ARPP21: variants seen among roughly 807,000 people sequenced by gnomAD.
ARPP21 encodes cAMP regulated phosphoprotein 21, also known as cAMP-regulated phosphoprotein 21.
A neutral mutation model predicts 113.2 loss-of-function variants in ARPP21; 69 were observed. The ratio of observed to expected loss-of-function variants is 0.61; its 90% CI spans 0.50 to 0.74. ARPP21 has a LOEUF of 0.74. Ranked by LOEUF, ARPP21 falls within the 30% of genes least tolerant of loss-of-function variation. The pLI is 0.00. For missense variants in ARPP21, 1,070 were observed against 1,037.4 expected, an observed-to-expected ratio of 1.03 and a Z score of -0.43; for synonymous variants, 368 against 375.5, an observed-to-expected ratio of 0.98 and a Z score of 0.23.
At position 35,746,430 on chromosome 3, in the gene ARPP21, T is replaced by G. The variant is rs1559830293; in HGVS notation, c.2137+2465T>G. 2.6e-5 allele frequency among the ~76,000 whole-genome samples: 4 copies of G among 152,204 alleles called. 1 individual carries two copies. The South Asian group carries it at 8.3e-4, about 31-fold the overall frequency. On this transcript the variant is annotated intron_variant, in intron 19 of 20. Transcript: ENST00000684406. The stretch of plus-strand genomic sequence containing the variant: ...AACTCTATGTGGATGGACTATCTCA[T>G]AGAGGAAAGAGCCTCTTCAGATAAC...
intron 19 of ARPP21, among the ~76,000 whole-genome samples, chr3:35,773,774 T>G (rs2096274150): frequency 6.6e-6 from 1 of 152,166 alleles, no homozygotes; most frequent in African/African-American, 2.4e-5. Context: ...AATTTTATCC[T>G]CAAAAGTAAC....
At chr3:35,690,810 A>G in intron 8 of ARPP21, 55 bp from the exon 9 acceptor site, 1 of 1,537,744 alleles carries the variant, frequency 6.5e-7, no homozygotes, top group Non-Finnish European at 8.8e-7. Flanking sequence ...GTAAAAAGGT[A>G]TTATGGGCAA....
At chr3:35,652,674 TATTGA>T (rs1272743401) in intron 1 of ARPP21, among the ~76,000 whole-genome samples, 3 of 152,002 alleles carry the variant, frequency 2.0e-5, no homozygotes, top group African/African-American at 7.2e-5. Flanking sequence ...TTACCTAATA[TATTGA>T]ATTGACAGCT....
chr3:35,748,108 A>AAGAG (rs2095226902), intron 19 of ARPP21, among the ~76,000 whole-genome samples: 1 of 128,584 alleles, frequency 7.8e-6, no homozygotes, highest in Non-Finnish European at 1.7e-5. Context: ...GAAAGAAAGA[A>AAGAG]AGAAGAAAGA....
At chr3:35,737,572 C>G (rs1308214429) in intron 16 of ARPP21, among the ~76,000 whole-genome samples, 1 of 152,230 alleles carries the variant, frequency 6.6e-6, no homozygotes, top group Admixed American at 6.5e-5. Context: ...CAGTAACTTG[C>G]AAGTTGAAGG....
At chr3:35,750,532 G>C (rs78581883) in intron 19 of ARPP21, among the ~76,000 whole-genome samples, 9,741 of 152,170 alleles carry the variant, frequency 0.064, 858 homozygotes, top group African/African-American at 0.2. Context: ...AAAACACTGG[G>C]TATTCTGTGG....
chr3:35,776,049 A>G (rs1035441651), intron 19 of ARPP21, among the ~76,000 whole-genome samples: 4 of 152,208 alleles, frequency 2.6e-5, no homozygotes, highest in Admixed American at 6.5e-5. Flanking sequence ...AAAGCCCAAC[A>G]TTTCAAAATA....
At position 35,685,094 on chromosome 3, in the gene ARPP21, T is replaced by A. The variant is rs1242386700; in HGVS notation, c.261+1279T>A. The A allele has an allele frequency of 7.1e-6, 7 of 985,264 alleles. No individual in the cohort carries two copies. In the African/African-American group the frequency reaches 1.2e-4, roughly 17 times the overall value. 61.0% of individuals were successfully genotyped at this position (985,264 alleles called of 1,614,324 possible). On this transcript the variant is annotated intron_variant, in intron 5 of 20. Coordinates refer to ENST00000684406, the MANE Select transcript of ARPP21 (RefSeq NM_001385562.1). ...GAATGACAGACCCTGGGAGAAGTAA[T>A]GCCCCAGTTGTCCCCCACTCCTAAT...
chr3:35,770,175 G>C (rs1353064761), intron 19 of ARPP21, among the ~76,000 whole-genome samples: 1 of 152,134 alleles, frequency 6.6e-6, no homozygotes, highest in African/African-American at 2.4e-5. Flanking sequence ...ATGAGACTCT[G>C]CTTCCCTGCA....
At chr3:35,646,483 G>A (rs1022057653) in intron 1 of ARPP21, among the ~76,000 whole-genome samples, 2 of 152,024 alleles carry the variant, frequency 1.3e-5, no homozygotes, top group Non-Finnish European at 2.9e-5. Context: ...ACAGAATCAA[G>A]AATTCTGCAG....
intron 1 of ARPP21, among the ~76,000 whole-genome samples, chr3:35,667,948 AAAGAAGAAGAAGAAGAAG>A (rs4025938): frequency 0.057 from 3,327 of 58,040 alleles, 119 homozygotes; most frequent in East Asian, 0.066. Flanking sequence ...GAGAAGAAGA[AAAGAAGAAGAAGAAGAAG>A]AAGAAGAAGA....
chr3:35,726,967 C>G (rs2093582180), intron 14 of ARPP21, among the ~76,000 whole-genome samples: 1 of 152,232 alleles, frequency 6.6e-6, no homozygotes, highest in African/African-American at 2.4e-5. Context: ...CATAAACACA[C>G]ACTACAGTCT....
chr3:35,721,539 G>A (rs987374720), intron 13 of ARPP21, 66 bp from the exon 14 acceptor site: 2 of 913,470 alleles, frequency 2.2e-6, no homozygotes, highest in African/African-American at 3.2e-5. Context: ...CTTGCTCTGT[G>A]CCTACCAACA....
chr3:35,707,141 T>A lies in ARPP21; in HGVS notation c.795+59T>A, dbSNP rs1453959222. ...TTGTTTTTGAAGGTGGGCTGACTGA[T>A]GTTCATGTCGTCCCTCTGTTGTCCC... On this transcript the variant is annotated intron_variant, in intron 10 of 20. Coordinates refer to ENST00000684406, the MANE Select transcript of ARPP21 (RefSeq NM_001385562.1). The A allele has an allele frequency of 2.0e-5, 26 of 1,300,942 alleles. No individual in the cohort carries two copies. In the East Asian group the frequency reaches 5.8e-4, roughly 29 times the overall value. 80.6% of individuals were successfully genotyped at this position (1,300,942 alleles called of 1,614,324 possible).
At chr3:35,757,504 A>C (rs1316229829) in intron 19 of ARPP21, among the ~76,000 whole-genome samples, 1 of 152,242 alleles carries the variant, frequency 6.6e-6, no homozygotes, top group Admixed American at 6.5e-5. Context: ...TGACAAAAAA[A>C]TAAATCCGAG....
intron 14 of ARPP21, among the ~76,000 whole-genome samples, chr3:35,723,424 A>G (rs2093284220): frequency 6.6e-6 from 1 of 152,176 alleles, no homozygotes; most frequent in African/African-American, 2.4e-5. Context: ...ATGGGTTCAC[A>G]CTGCCTTTCT....
At chr3:35,731,401 T>C (rs2093949983) in intron 15 of ARPP21, among the ~76,000 whole-genome samples, 1 of 152,206 alleles carries the variant, frequency 6.6e-6, no homozygotes, top group African/African-American at 2.4e-5. Flanking sequence ...GAAAAGGATT[T>C]AATAACACTG....
intron 19 of ARPP21, among the ~76,000 whole-genome samples, chr3:35,775,627 T>A (rs953824045): frequency 6.6e-5 from 10 of 152,184 alleles, no homozygotes; most frequent in African/African-American, 2.4e-4. Context: ...TTGTGTTTTA[T>A]TAAAACAAAG....
chr3:35,786,955 C>A (rs1419893270), intron 19 of ARPP21, among the ~76,000 whole-genome samples: 1 of 152,140 alleles, frequency 6.6e-6, no homozygotes, highest in East Asian at 1.9e-4. Flanking sequence ...TTTTCTCCAC[C>A]TAAGGCTACT....
Sources: allele counts gnomAD v4.1 joint callset (sites outside exome capture counted in the v4.1 genomes callset), GRCh38; gene constraint gnomAD v4.1.1; transcripts MANE v1.5; gene names NCBI Gene and HGNC (gene_info 2026-07-23, HGNC 2026-07-21).